The following RCL1 variants were observed in gnomAD, a reference collection of about 807,000 sequenced individuals.
RCL1 encodes RNA 3'-terminal phosphate cyclase-like protein.
Under a neutral mutation model 42.4 loss-of-function variants are expected in RCL1, and 24 were observed. The ratio of observed to expected loss-of-function variants is 0.57; its 90% CI spans 0.41 to 0.80. The LOEUF is 0.80. RCL1 is among the 30% of genes least tolerant of loss of function. RCL1 has a pLI of 0.00. For synonymous variants in RCL1, 228 were observed against 177.3 expected, an observed-to-expected ratio of 1.29 and a Z score of -2.27; for missense variants, 578 against 467.9, an observed-to-expected ratio of 1.24 and a Z score of -2.17.
intron 6 of RCL1, among the ~76,000 whole-genome samples, chr9:4,844,244 G>A (rs553262825): frequency 1.3e-4 from 20 of 152,228 alleles, no homozygotes; most frequent in African/African-American, 4.3e-4. Context: ...TGGGAAGGCC[G>A]CCACACCTTT....
intron 8 of RCL1, 28 bp from the exon 9 acceptor site, chr9:4,860,097 T>A: frequency 1.4e-6 from 2 of 1,441,968 alleles, no homozygotes; most frequent in Non-Finnish European, 1.9e-6. Context: ...TTTCTTTTTA[T>A]TTATTTATTT....
At chr9:4,828,545 T>TG (rs1383662839) in intron 3 of RCL1, among the ~76,000 whole-genome samples, 5 of 68,376 alleles carry the variant, frequency 7.3e-5, no homozygotes, top group South Asian at 5.0e-4. Flanking sequence ...TTTAATTAAG[T>TG]GTTTTTTTTT....
intron 1 of RCL1, among the ~76,000 whole-genome samples, chr9:4,816,317 T>C (rs1029598205): frequency 2.6e-5 from 4 of 152,250 alleles, no homozygotes; most frequent in African/African-American, 9.6e-5. Flanking sequence ...TGATAAACAA[T>C]ACTTCATAGT....
At chr9:4,795,832 T>G (rs1016929774) in intron 1 of RCL1, among the ~76,000 whole-genome samples, 2 of 152,170 alleles carry the variant, frequency 1.3e-5, no homozygotes, top group Non-Finnish European at 2.9e-5. Context: ...AGGCTTTGTA[T>G]GGGGGTGAGT....
intron 8 of RCL1, among the ~76,000 whole-genome samples, chr9:4,852,042 T>C (rs1393339080): frequency 6.6e-6 from 1 of 152,068 alleles, no homozygotes. Flanking sequence ...CCACCGTGCC[T>C]GGCTAATTTT....
intron 1 of RCL1, among the ~76,000 whole-genome samples, chr9:4,821,188 T>C (rs2130996113): frequency 6.6e-6 from 1 of 152,274 alleles, no homozygotes; most frequent in South Asian, 2.1e-4. Context: ...TTTGTGAGCC[T>C]GAAGCAGGAG....
At position 4,849,168 on chromosome 9, in the gene RCL1, ATTT is replaced by A. The variant is rs34569485; in HGVS notation, c.868-266_868-264del. 8.1e-4 allele frequency among the ~76,000 whole-genome samples: 116 copies of A among 143,276 alleles called. 1 individual carries two copies. Among genetic ancestry groups the A allele is most frequent in the African/African-American group, 2.8e-3 (110 of 38,986 alleles). The allele number at this position is 143,276 out of a possible 152,430, so 94.0% of individuals were successfully genotyped here. ...GCTTTAATGATAAAGGGAAAGTTTC[ATTT>A]TTTTTTTTTTTTACTAGATTCACTT... On this transcript the variant is annotated intron_variant, in intron 7 of 8. Transcript: ENST00000381750.
At chr9:4,818,829 G>A (rs1010388529) in intron 1 of RCL1, among the ~76,000 whole-genome samples, 1 of 147,024 alleles carries the variant, frequency 6.8e-6, no homozygotes, top group Admixed American at 6.9e-5. Context: ...CTGAGGTCTT[G>A]CCAGTGCACT....
chr9:4,840,590 G>A (rs893123980), intron 5 of RCL1, among the ~76,000 whole-genome samples: 1 of 152,150 alleles, frequency 6.6e-6, no homozygotes, highest in Non-Finnish European at 1.5e-5. Context: ...TAACCATAAG[G>A]TAGCAGGTGT....
chr9:4,820,421 A>C (rs1444370776), intron 1 of RCL1, among the ~76,000 whole-genome samples: 1 of 152,162 alleles, frequency 6.6e-6, no homozygotes, highest in Non-Finnish European at 1.5e-5. Context: ...GCTGCTTCTG[A>C]AGCACCGGTT....
intron 1 of RCL1, among the ~76,000 whole-genome samples, chr9:4,809,656 G>A (rs569453965): frequency 6.6e-6 from 1 of 152,254 alleles, no homozygotes. Context: ...ATGCGAGATC[G>A]AATCAAAATA....
chr9:4,851,236 C>G (rs1251181031), intron 8 of RCL1, among the ~76,000 whole-genome samples: 1 of 152,130 alleles, frequency 6.6e-6, no homozygotes, highest in Non-Finnish European at 1.5e-5. Flanking sequence ...AAAACAGTGT[C>G]CTGCTCTGAA....
At chr9:4,840,126 G>A (rs1445573059) in intron 5 of RCL1, among the ~76,000 whole-genome samples, 1 of 151,922 alleles carries the variant, frequency 6.6e-6, no homozygotes, top group African/African-American at 2.4e-5. Flanking sequence ...TGAAGTTCAG[G>A]ATGGGTCAAA....
chr9:4,839,708 T>G, intron 5 of RCL1: 1 of 984,802 alleles, frequency 1.0e-6, no homozygotes, highest in Non-Finnish European at 1.2e-6. Flanking sequence ...GTCCTTTGAG[T>G]CAAGTTAAAT....
chr9:4,798,115 G>C (rs1842942790), intron 1 of RCL1, among the ~76,000 whole-genome samples: 1 of 152,316 alleles, frequency 6.6e-6, no homozygotes, highest in South Asian at 2.1e-4. Context: ...GCTGGAAAGA[G>C]AATGTGGCCA....
intron 1 of RCL1, among the ~76,000 whole-genome samples, chr9:4,793,701 A>G (rs1842869571): frequency 1.3e-5 from 2 of 152,162 alleles, no homozygotes; most frequent in African/African-American, 4.8e-5. Flanking sequence ...CCCCTTGGAC[A>G]CCGGCTGTTC....
rs923233320 is a variant in RCL1, at chr9:4,827,783, A to T, written c.384+750A>T. Among the ~76,000 whole-genome samples, 19 of 115,054 alleles carry T rather than the reference A, an allele frequency of 1.7e-4. No homozygotes were observed. The South Asian group carries it at 2.4e-3, about 15-fold the overall frequency. The allele number at this position is 115,054 out of a possible 152,430, so 75.5% of individuals were successfully genotyped here. A position where few individuals can be genotyped will look rare whatever the true frequency, so the allele number is the denominator to read the frequency against. On this transcript the variant is annotated intron_variant, in intron 3 of 8. Coordinates refer to ENST00000381750, the MANE Select transcript of RCL1 (RefSeq NM_005772.5). ...ACGCGTGTGTGTGTGTGTGTGTGAG[A>T]GAGAGAGAGATTAGAGAAGTCTAGA...
Position 4,845,585 on chromosome 9 carries a change from G to A in RCL1, c.867+904G>A, listed in dbSNP as rs192356851. ...TATTCCCTGAGATCCCCTATACTTG[G>A]TTAGAAGAGGGTCACAAATCTGGGT... is the stretch of plus-strand genomic sequence containing the variant. On this transcript the variant is annotated intron_variant, in intron 7 of 8. Coordinates refer to ENST00000381750, the MANE Select transcript of RCL1 (RefSeq NM_005772.5). 2.8e-3 allele frequency among the ~76,000 whole-genome samples: 425 copies of A among 152,298 alleles called. 3 individuals are homozygous for A. The highest frequency in any genetic ancestry group is 3.6e-3 in the Non-Finnish European group (248 of 68,014).
chr9:4,857,875 C>T (rs1818015778), intron 8 of RCL1, among the ~76,000 whole-genome samples: 2 of 149,896 alleles, frequency 1.3e-5, no homozygotes, highest in South Asian at 2.1e-4. Flanking sequence ...TGATGTTGAG[C>T]ATCTTTTCAT....
Sources: gnomAD v4.1 joint callset for allele counts (sites outside exome capture counted in the v4.1 genomes callset) on GRCh38, gnomAD v4.1.1 for gene constraint, MANE v1.5 for transcripts, NCBI Gene and HGNC (gene_info 2026-07-23, HGNC 2026-07-21) for gene names.